Variants in CDCP1 observed in about 807,000 individuals in gnomAD.
The protein encoded by CDCP1 is CUB domain-containing protein 1.
CDCP1 carries 29 observed loss-of-function variants against 60.2 expected under a neutral mutation model. The observed-to-expected ratio is 0.48, with a 90% confidence interval of 0.36 to 0.66. CDCP1 has a LOEUF of 0.66. Ranked by LOEUF, CDCP1 falls within the 30% of genes least tolerant of loss-of-function variation. The pLI, the probability that CDCP1 is intolerant of heterozygous loss-of-function variation, is 0.00. For missense variants in CDCP1, 876 were observed against 1,074.3 expected (o/e 0.82, Z 2.58); for synonymous variants, 387 against 431.1 (o/e 0.90, Z 1.27).
At chr3:45,138,395 G>C (rs1025664363) in intron 1 of CDCP1, among the ~76,000 whole-genome samples, 1 of 152,074 alleles carries the variant, frequency 6.6e-6, no homozygotes, top group South Asian at 2.1e-4. Flanking sequence ...CTAGAGACCT[G>C]GTTATACAGA....
At chr3:45,121,212 A>G (rs1698877839) in intron 1 of CDCP1, among the ~76,000 whole-genome samples, 1 of 152,210 alleles carries the variant, frequency 6.6e-6, no homozygotes. Flanking sequence ...TAATAGCTTG[A>G]GAGAGAATAT....
chr3:45,146,412 G>T, upstream of CDCP1: 1 of 731,208 alleles, frequency 1.4e-6, no homozygotes, highest in Non-Finnish European at 2.1e-6. Context: ...GGACCGGCCC[G>T]AGCCCCGCCC....
At chr3:45,124,531 A>G (rs904279616) in intron 1 of CDCP1, among the ~76,000 whole-genome samples, 4 of 152,164 alleles carry the variant, frequency 2.6e-5, no homozygotes, top group African/African-American at 9.6e-5. Flanking sequence ...GCAGACTCAG[A>G]AACCAAGAAG....
intron 1 of CDCP1, among the ~76,000 whole-genome samples, chr3:45,126,108 C>CTCTCTCTTTCTTTCTT (rs1553610967): frequency 9.1e-6 from 1 of 110,010 alleles, no homozygotes; most frequent in Non-Finnish European, 1.9e-5. Flanking sequence ...TTGTCTCTCT[C>CTCTCTCTTTCTTTCTT]TCTTTCTTTC....
chr3:45,132,695 CTG>C (rs1400726749), intron 1 of CDCP1, among the ~76,000 whole-genome samples: 1 of 152,258 alleles, frequency 6.6e-6, no homozygotes, highest in Admixed American at 6.5e-5. Context: ...AAAACATCAA[CTG>C]TGCAGAGCTT....
chr3:45,141,476 T>A (rs906613266), intron 1 of CDCP1, among the ~76,000 whole-genome samples: 1 of 152,240 alleles, frequency 6.6e-6, no homozygotes, highest in Non-Finnish European at 1.5e-5. Flanking sequence ...CCACATAAAA[T>A]AATGGGATGT....
intron 4 of CDCP1, among the ~76,000 whole-genome samples, chr3:45,097,170 G>T (rs951419684): frequency 2.6e-5 from 4 of 151,982 alleles, no homozygotes; most frequent in African/African-American, 9.7e-5. Flanking sequence ...AGCTGGGCAT[G>T]GTGGTGGGCG....
At chr3:45,132,185 G>A (rs189510672) in intron 1 of CDCP1, among the ~76,000 whole-genome samples, 4 of 150,384 alleles carry the variant, frequency 2.7e-5, no homozygotes, top group African/African-American at 9.8e-5. Flanking sequence ...GCAGTGAGCT[G>A]AGATCACACC....
intron 1 of CDCP1, among the ~76,000 whole-genome samples, chr3:45,132,073 A>T (rs563869756): frequency 6.6e-6 from 1 of 152,098 alleles, no homozygotes; most frequent in South Asian, 2.1e-4. Context: ...GTCTCTACTT[A>T]AAAAAATACA....
At position 45,102,713 on chromosome 3, in the gene CDCP1, C is replaced by G. The variant is rs895744136; in HGVS notation, c.1025-7145G>C. On this transcript the variant is annotated intron_variant, in intron 4 of 8. Transcript: ENST00000296129. ...CAGTTTCACTCTGTCAACTCTGTCA[C>G]CCAGGCTGGAGTTTATGGCTCACTG... 4.6e-5 allele frequency among the ~76,000 whole-genome samples: 7 copies of G among 151,990 alleles called. No homozygotes were observed. The South Asian group carries it at 1.5e-3, about 32-fold the overall frequency.
intron 1 of CDCP1, among the ~76,000 whole-genome samples, chr3:45,120,797 C>A: frequency 6.6e-6 from 1 of 152,286 alleles, no homozygotes; most frequent in Non-Finnish European, 1.5e-5. Context: ...CTGGTCCTGA[C>A]ACCAAAAGTG....
At chr3:45,106,814 G>A (rs1698574096) in intron 4 of CDCP1, among the ~76,000 whole-genome samples, 1 of 152,166 alleles carries the variant, frequency 6.6e-6, no homozygotes, top group Non-Finnish European at 1.5e-5. Flanking sequence ...GGTCGAGGGG[G>A]AAACTAGCCC....
intron 1 of CDCP1, among the ~76,000 whole-genome samples, chr3:45,125,221 T>C (rs1441375791): frequency 6.6e-6 from 1 of 152,172 alleles, no homozygotes; most frequent in African/African-American, 2.4e-5. Context: ...CTGGGGAGTT[T>C]GATTTGGCCA....
chr3:45,139,174 A>G (rs1042241848), intron 1 of CDCP1, among the ~76,000 whole-genome samples: 4 of 152,192 alleles, frequency 2.6e-5, no homozygotes, highest in Non-Finnish European at 4.4e-5. Context: ...CTGGGGATCA[A>G]ATTTCAACAT....
Position 45,108,693 on chromosome 3 carries a change from GTGCATGTATACATATATATA to G in CDCP1, c.1024+1760_1024+1779del, listed in dbSNP as rs1302705396. Among the ~76,000 whole-genome samples the G allele has an allele frequency of 8.3e-3, 1,172 of 141,398 alleles. 53 individuals are homozygous for G. Among genetic ancestry groups the G allele is most frequent in the Non-Finnish European group, 0.014 (943 of 66,136 alleles). The allele number at this position is 141,398 out of a possible 152,430, so 92.8% of individuals were successfully genotyped here. A position where few individuals can be genotyped will look rare whatever the true frequency, so the allele number is the denominator to read the frequency against. ...ACACACACACACACTATATATATAT[GTGCATGTATACATATATATA>G]TGCATGTATACATATATATATGCAT... On this transcript the variant is annotated intron_variant, in intron 4 of 8. Coordinates refer to ENST00000296129, the MANE Select transcript of CDCP1 (RefSeq NM_022842.5).
At chr3:45,107,132 G>C (rs1404144695) in intron 4 of CDCP1, among the ~76,000 whole-genome samples, 1 of 152,070 alleles carries the variant, frequency 6.6e-6, no homozygotes, top group African/African-American at 2.4e-5. Flanking sequence ...TGAGTGACTT[G>C]CTGCATCCTA....
chr3:45,089,593 G>A (rs1207566835), intron 7 of CDCP1, among the ~76,000 whole-genome samples: 1 of 152,152 alleles, frequency 6.6e-6, no homozygotes, highest in Non-Finnish European at 1.5e-5. Context: ...TCTGGTTGGG[G>A]CCCCAGATAT....
intron 1 of CDCP1, 147 bp downstream of exon 1, chr3:45,146,059 G>A (rs1259518791): frequency 2.3e-5 from 16 of 689,328 alleles, no homozygotes; most frequent in Non-Finnish European, 3.6e-5. Flanking sequence ...GGAGCCACCC[G>A]CGCATTTTGA....
Position 45,118,431 on chromosome 3 carries a change from T to C in CDCP1, c.273A>G (p.Ile91Met). Residue 91 changes from isoleucine (I) to methionine (M), a missense_variant, in exon 2 of 9, where the codon ATA becomes ATG. Physicochemically the swap from Ile to Met is conservative, Grantham distance 10 (BLOSUM62 1). This residue lies in a region of CDCP1 where 150 missense variants were observed against 138.6 expected (regional missense o/e 1.08). Coordinates refer to ENST00000296129, the MANE Select transcript of CDCP1 (RefSeq NM_022842.5). ...ACTTACCAATATTTTTCTGGATCTC[T>C]ATGACAAAGTGATTCTCAGGACTCT... ...SCQSPENHFV[I>M]EIQKNIDCMS... is the part of the protein sequence containing the mutation. 1 of 1,613,898 alleles carries C rather than the reference T, an allele frequency of 6.2e-7. No homozygotes were observed. Among genetic ancestry groups the C allele is most frequent in the African/African-American group, 1.3e-5 (1 of 75,038 alleles).
Sources: allele counts gnomAD v4.1 joint callset (sites outside exome capture counted in the v4.1 genomes callset), GRCh38; gene constraint gnomAD v4.1.1; regional missense constraint gnomAD v4.1.1; transcripts MANE v1.5; gene names NCBI Gene and HGNC (gene_info 2026-07-23, HGNC 2026-07-21).